TRDMT1: variants seen among roughly 807,000 people sequenced by gnomAD.
The protein encoded by TRDMT1 is tRNA (cytosine(38)-C(5))-methyltransferase.
A neutral mutation model predicts 51.2 loss-of-function variants in TRDMT1; 49 were observed. The ratio of observed to expected loss-of-function variants is 0.96; its 90% CI spans 0.76 to 1.21. The LOEUF is 1.21. Ranked by LOEUF, TRDMT1 falls within the 50% of genes most tolerant of loss-of-function variation. TRDMT1 has a pLI of 0.00. For missense variants in TRDMT1, 534 were observed against 462.3 expected, an observed-to-expected ratio of 1.16 and a Z score of -1.42; for synonymous variants, 187 against 164.6, an observed-to-expected ratio of 1.14 and a Z score of -1.04.
chr10:17,179,929 G>C (rs1461299543), intron 1 of TRDMT1, among the ~76,000 whole-genome samples: 1 of 152,096 alleles, frequency 6.6e-6, no homozygotes, highest in Non-Finnish European at 1.5e-5. Flanking sequence ...TTCTTCCCAG[G>C]ATATTTATTA....
chr10:17,143,082 T>C lies in TRDMT1; in HGVS notation c.*5958A>G, dbSNP rs1837813642. ...CATGTGTTCCAGACTTGAGTAACTT[T>C]GGCTGTTCCTCTGGGCATGGAAGAA... On this transcript the variant is annotated 3_prime_UTR_variant, in exon 11 of 11. Coordinates refer to ENST00000377799, the MANE Select transcript of TRDMT1 (RefSeq NM_004412.7). The C allele has an allele frequency of 1.0e-6, 1 of 985,360 alleles. No homozygotes were observed. Among genetic ancestry groups the C allele is most frequent in the Non-Finnish European group, 1.2e-6 (1 of 829,952 alleles). 61.0% of individuals were successfully genotyped at this position (985,360 alleles called of 1,614,324 possible).
At chr10:17,180,378 T>A (rs1418511502) in intron 1 of TRDMT1, among the ~76,000 whole-genome samples, 1 of 151,878 alleles carries the variant, frequency 6.6e-6, no homozygotes, top group African/African-American at 2.4e-5. Context: ...CCGTCTCTAC[T>A]AAAAATACAA....
rs959585798 is a variant in TRDMT1 at position 17,148,745 on chromosome 10, T to G, written c.*295A>C. On this transcript the variant is annotated 3_prime_UTR_variant, in exon 11 of 11. Coordinates refer to ENST00000377799, the MANE Select transcript of TRDMT1 (RefSeq NM_004412.7). ...CATGTAGACACTAAAGCTCTAGTGCTCCTTGATTTGTTTATAAAATTGTTT... is the reference window on the plus strand; with the variant it reads ...CATGTAGACACTAAAGCTCTAGTGCGCCTTGATTTGTTTATAAAATTGTTT... 5.9e-6 allele frequency: 6 copies of G among 1,025,474 alleles called. No individual in the cohort carries two copies. Among genetic ancestry groups the G allele is most frequent in the Non-Finnish European group, 7.0e-6 (6 of 855,002 alleles). 63.5% of individuals were successfully genotyped at this position (1,025,474 alleles called of 1,614,324 possible).
intron 1 of TRDMT1, among the ~76,000 whole-genome samples, chr10:17,179,410 T>C (rs1272501843): frequency 6.6e-6 from 1 of 152,112 alleles, no homozygotes; most frequent in Non-Finnish European, 1.5e-5. Context: ...GGGCATAAAC[T>C]GGTCTCTAAA....
chr10:17,168,964 T>C (rs373117459), intron 2 of TRDMT1, 47 bp from the exon 3 acceptor site: 2 of 1,274,936 alleles, frequency 1.6e-6, no homozygotes, highest in Admixed American at 4.1e-5. Context: ...AAAACATGGA[T>C]AGAATGGGGA....
chr10:17,158,018 T>C (rs965147930), intron 7 of TRDMT1, among the ~76,000 whole-genome samples: 1 of 152,158 alleles, frequency 6.6e-6, no homozygotes, highest in Admixed American at 6.5e-5. Flanking sequence ...GTTTACAGTA[T>C]TTATTAATAA....
At chr10:17,176,320 T>C (rs527867329) in intron 1 of TRDMT1, among the ~76,000 whole-genome samples, 46 of 152,340 alleles carry the variant, frequency 3.0e-4, no homozygotes, top group Middle Eastern at 6.8e-3. Flanking sequence ...CATTGGTTAA[T>C]AGGACTTGTA....
rs554677100 is a variant in TRDMT1, at chr10:17,158,078, T to C, written c.544-294A>G. Among the ~76,000 whole-genome samples, 227 of 152,252 alleles carry C rather than the reference T, an allele frequency of 1.5e-3. 1 individual carries two copies. The highest frequency in any genetic ancestry group is 5.3e-3 in the African/African-American group (219 of 41,562). On this transcript the variant is annotated intron_variant, in intron 7 of 10. Coordinates refer to ENST00000377799, the MANE Select transcript of TRDMT1 (RefSeq NM_004412.7). ...GTATATACTGAATATAGATAAATCA[T>C]ATTTGTATCTTATTTGGAAAAGAAG...
intron 9 of TRDMT1, among the ~76,000 whole-genome samples, chr10:17,154,159 C>A (rs2131388026): frequency 6.6e-6 from 1 of 152,078 alleles, no homozygotes; most frequent in East Asian, 1.9e-4. Context: ...AAGTTTGAAT[C>A]AGTATAAAAG....
chr10:17,167,320 A>G (rs1841351147), intron 3 of TRDMT1, among the ~76,000 whole-genome samples: 1 of 152,182 alleles, frequency 6.6e-6, no homozygotes, highest in Non-Finnish European at 1.5e-5. Flanking sequence ...TCTACTTAAA[A>G]TCATGGAATA....
In TRDMT1 at chr10:17,145,316, T is replaced by A. The variant is rs932930172; in HGVS notation, c.*3724A>T. On this transcript the variant is annotated 3_prime_UTR_variant, in exon 11 of 11. Coordinates refer to ENST00000377799, the MANE Select transcript of TRDMT1 (RefSeq NM_004412.7). ...AAGGGAAACTCTCAAATGAAAGGCA[T>A]AACTAGACATCTTGGTGGGTGTGAC... 1 of 985,068 alleles carries A rather than the reference T, an allele frequency of 1.0e-6. No individual in the cohort carries two copies. Among genetic ancestry groups the A allele is most frequent in the Non-Finnish European group, 1.2e-6 (1 of 829,914 alleles). 61.0% of individuals were successfully genotyped at this position (985,068 alleles called of 1,614,324 possible).
At chr10:17,174,744 C>G (rs773642419) in intron 1 of TRDMT1, 84 bp from the exon 2 acceptor site, 5 of 1,052,612 alleles carry the variant, frequency 4.8e-6, no homozygotes, top group Admixed American at 4.0e-5. Context: ...ATTTAGTAAT[C>G]CATTTCCTTA....
chr10:17,165,261 A>C (rs370101843), intron 3 of TRDMT1, among the ~76,000 whole-genome samples: 1 of 152,272 alleles, frequency 6.6e-6, no homozygotes, highest in Non-Finnish European at 1.5e-5. Flanking sequence ...CAAAAACAAG[A>C]AATGGGGAAA....
At position 17,152,541 on chromosome 10, in the gene TRDMT1, C is replaced by T. The variant is rs116818456; in HGVS notation, c.1075+966G>A. 3.9e-3 allele frequency among the ~76,000 whole-genome samples: 598 copies of T among 152,282 alleles called. 2 individuals carry two copies. The highest frequency in any genetic ancestry group is 0.013 in the African/African-American group (558 of 41,552). On this transcript the variant is annotated intron_variant, in intron 10 of 10. Transcript: ENST00000377799. The stretch of plus-strand genomic sequence containing the variant: ...TAACAAAGTTTGACTTTTCTGCATT[C>T]AAACTCTCAAGAGTCCTCAAAAGCA...
In TRDMT1 at chr10:17,141,719, C is replaced by T. The variant is rs1377906103; in HGVS notation, c.*7321G>A. ...TCTATCTTCTGTCATTTCCTCTCTA[C>T]TACTGATCTCAAGTTTAGCAAAAGA... is the stretch of plus-strand genomic sequence containing the variant. On this transcript the variant is annotated 3_prime_UTR_variant, in exon 11 of 11. Coordinates refer to ENST00000377799, the MANE Select transcript of TRDMT1 (RefSeq NM_004412.7). 1.3e-5 allele frequency among the ~76,000 whole-genome samples: 2 copies of T among 152,174 alleles called. No homozygotes were observed. The highest frequency in any genetic ancestry group is 4.8e-5 in the African/African-American group (2 of 41,438).
At chr10:17,181,312 T>C (rs1294241217) in intron 1 of TRDMT1, among the ~76,000 whole-genome samples, 1 of 152,146 alleles carries the variant, frequency 6.6e-6, no homozygotes, top group Non-Finnish European at 1.5e-5. Context: ...TGAAGGCTGA[T>C]CCGTGCACTC....
chr10:17,161,575 C>T (rs1365222381), intron 4 of TRDMT1, 27 bp from the exon 5 acceptor site: 2 of 1,123,346 alleles, frequency 1.8e-6, no homozygotes, highest in Non-Finnish European at 2.4e-6. Context: ...AAATGGAATT[C>T]TAAATATCTC....
chr10:17,193,193 G>A (rs1052493047), intron 1 of TRDMT1, among the ~76,000 whole-genome samples: 9 of 152,028 alleles, frequency 5.9e-5, no homozygotes, highest in East Asian at 3.9e-4. Context: ...GTGAAACCCC[G>A]TCTCTACTAA....
chr10:17,162,188 G>T lies in TRDMT1; in HGVS notation c.301C>A (p.His101Asn). 1 of 1,607,052 alleles carries T rather than the reference G, an allele frequency of 6.2e-7. No homozygotes were observed. Among genetic ancestry groups the T allele is most frequent in the Non-Finnish European group, 8.5e-7 (1 of 1,176,876 alleles). Residue 101 changes from histidine to asparagine, a missense_variant, in exon 4 of 11, where the codon CAT (histidine) becomes AAT (asparagine). Physicochemically the swap from His to Asn is moderately conservative, Grantham distance 68 (BLOSUM62 1). Coordinates refer to ENST00000377799, the MANE Select transcript of TRDMT1 (RefSeq NM_004412.7). ...TACCTTGGGAGAATATCTAGAATAT[G>T]TAAGAAGCTATTCGTCCTTGAATCA... ...MTDSRTNSFL[H>N]ILDILPRLQK...
Sources: gnomAD v4.1 joint callset for allele counts (sites outside exome capture counted in the v4.1 genomes callset) on GRCh38, gnomAD v4.1.1 for gene constraint, MANE v1.5 for transcripts, NCBI Gene and HGNC (gene_info 2026-07-23, HGNC 2026-07-21) for gene names.